Variants in RGS7 observed in about 807,000 individuals in gnomAD.
The protein encoded by RGS7 is regulator of G-protein signaling 7.
Under a neutral mutation model 81.1 loss-of-function variants are expected in RGS7, and 27 were observed. The observed-to-expected ratio is 0.33, with a 90% CI of 0.25 to 0.46. RGS7 has a LOEUF of 0.46. Ranked by LOEUF, RGS7 falls within the 20% of genes least tolerant of loss-of-function variation. RGS7 has a pLI of 1.00. For synonymous variants in RGS7, 208 were observed against 207.7 expected (o/e 1.00, Z -0.01); for missense variants, 396 against 607.4 (o/e 0.65, Z 3.66).
At chr1:240,971,042 C>G (rs7532910) in intron 4 of RGS7, among the ~76,000 whole-genome samples, 1 of 152,092 alleles carries the variant, frequency 6.6e-6, no homozygotes, top group Admixed American at 6.5e-5. Flanking sequence ...ATTTTGGTGG[C>G]TCTGCTGTAG....
At chr1:241,270,764 T>TTC (rs2077839464) in intron 2 of RGS7, among the ~76,000 whole-genome samples, 1 of 149,706 alleles carries the variant, frequency 6.7e-6, no homozygotes, top group Non-Finnish European at 1.5e-5. Flanking sequence ...CCCCCCCCTT[T>TTC]TTTTTTTTCT....
intron 4 of RGS7, among the ~76,000 whole-genome samples, chr1:240,966,455 T>C (rs1572033748): frequency 6.6e-6 from 1 of 152,106 alleles, no homozygotes; most frequent in African/African-American, 2.4e-5. Flanking sequence ...GTTTTCTCTT[T>C]ATGATTTGTA....
At chr1:240,884,072 C>T (rs1267281642) in intron 6 of RGS7, among the ~76,000 whole-genome samples, 3 of 102,424 alleles carry the variant, frequency 2.9e-5, no homozygotes, top group Non-Finnish European at 3.9e-5. Flanking sequence ...GCAAAAACTC[C>T]ATCTCAAAAA....
chr1:241,158,215 G>A (rs1256158185), intron 2 of RGS7, among the ~76,000 whole-genome samples: 1 of 152,138 alleles, frequency 6.6e-6, no homozygotes, highest in Admixed American at 6.6e-5. Flanking sequence ...GGGAAGTTGT[G>A]ACAGATACCT....
chr1:241,294,750 A>C (rs1042731356), intron 2 of RGS7, among the ~76,000 whole-genome samples: 35 of 152,202 alleles, frequency 2.3e-4, no homozygotes, highest in Non-Finnish European at 1.0e-4. Context: ...GTTTGGATAC[A>C]CAAATACTTA....
intron 15 of RGS7, 48 bp downstream of exon 15, chr1:240,806,092 C>A: frequency 6.5e-7 from 1 of 1,535,232 alleles, no homozygotes; most frequent in South Asian, 1.1e-5. Context: ...ATCTAACGCT[C>A]AACTTCTCGG....
In RGS7 at chr1:241,196,084, AAAAAAAG is replaced by A. The variant is rs563970757; in HGVS notation, c.79-97329_79-97323del. The stretch of plus-strand genomic sequence containing the variant: ...AAAACCAAAGTCAAAGAGAAATCTT[AAAAAAAG>A]AAAGAGATAGAGAAAAAAGTGTATT... On this transcript the variant is annotated intron_variant, in intron 2 of 18. Coordinates refer to ENST00000440928, the MANE Select transcript of RGS7 (RefSeq NM_001364886.1). Among the ~76,000 whole-genome samples the A allele has an allele frequency of 2.0e-3, 303 of 152,274 alleles. 2 individuals are homozygous for A. Among genetic ancestry groups the A allele is most frequent in the African/African-American group, 6.8e-3 (283 of 41,572 alleles).
chr1:241,327,028 A>AGGGAGGGAGGG (rs1257519305), intron 2 of RGS7, among the ~76,000 whole-genome samples: 5 of 2,648 alleles, frequency 1.9e-3, no homozygotes, highest in African/African-American at 9.5e-3. Context: ...GGAAGGAAGG[A>AGGGAGGGAGGG]AGGAAGGAAG....
intron 2 of RGS7, among the ~76,000 whole-genome samples, chr1:241,278,351 C>A (rs1192532706): frequency 6.6e-6 from 1 of 152,116 alleles, no homozygotes; most frequent in South Asian, 2.1e-4. Context: ...TTTAGATGCA[C>A]GTTTTCTATC....
rs187692590 is a variant in RGS7 at position 240,835,817 on chromosome 1, G to A, written c.610-8645C>T. Among the ~76,000 whole-genome samples, 615 of 152,290 alleles carry A rather than the reference G, an allele frequency of 4.0e-3. 14 individuals carry two copies. Among genetic ancestry groups the A allele is most frequent in the Admixed American group, 0.024 (367 of 15,294 alleles). On this transcript the variant is annotated intron_variant, in intron 9 of 18. Transcript: ENST00000440928. ...GAACCTTACGTGCGTATTACTAAGT[G>A]AAAGAAGCCAATCTGAAAAAGCCAC...
intron 2 of RGS7, among the ~76,000 whole-genome samples, chr1:241,191,800 C>T (rs527464266): frequency 2.0e-5 from 3 of 152,258 alleles, no homozygotes; most frequent in African/African-American, 7.2e-5. Context: ...TTCAAATTCT[C>T]GATTTCATGT....
At chr1:241,310,435 CTGTGTGTGTGAGTGTG>C (rs2080451218) in intron 2 of RGS7, among the ~76,000 whole-genome samples, 1 of 115,344 alleles carries the variant, frequency 8.7e-6, no homozygotes, top group Non-Finnish European at 2.0e-5. Context: ...GTATGTGTGT[CTGTGTGTGTGAGTGTG>C]TGTGTGTGAG....
At chr1:241,147,781 T>C (rs1249989129) in intron 2 of RGS7, among the ~76,000 whole-genome samples, 2 of 10,422 alleles carry the variant, frequency 1.9e-4, no homozygotes, top group African/African-American at 7.5e-4. Context: ...GATTAAGTTT[T>C]ATATATATAT....
intron 2 of RGS7, among the ~76,000 whole-genome samples, chr1:241,296,770 T>G (rs1008947089): frequency 1.3e-5 from 2 of 152,236 alleles, no homozygotes; most frequent in African/African-American, 4.8e-5. Context: ...TGGCTGCAGG[T>G]GCCTGCAAGC....
chr1:240,903,640 G>T (rs113428359), intron 6 of RGS7, among the ~76,000 whole-genome samples: 205 of 152,200 alleles, frequency 1.3e-3, no homozygotes, highest in Admixed American at 2.6e-3. Context: ...CTATGGTTTG[G>T]ATATCTGACC....
intron 18 of RGS7, among the ~76,000 whole-genome samples, chr1:240,781,202 T>C (rs78408960): frequency 0.037 from 5,593 of 152,320 alleles, 108 homozygotes; most frequent in East Asian, 0.11. Flanking sequence ...AAAAATACTT[T>C]TTCATAGCAG....
chr1:241,334,958 A>G (rs2082164596), intron 2 of RGS7, among the ~76,000 whole-genome samples: 1 of 152,202 alleles, frequency 6.6e-6, no homozygotes, highest in Non-Finnish European at 1.5e-5. Flanking sequence ...CTGCCAGTTT[A>G]ATGTTCTGAA....
At chr1:240,936,538 T>C in intron 5 of RGS7, 62 bp downstream of exon 5, 1 of 1,270,304 alleles carries the variant, frequency 7.9e-7, no homozygotes, top group South Asian at 1.2e-5. Flanking sequence ...AAAAGAAACC[T>C]AACTAACAAA....
intron 3 of RGS7, among the ~76,000 whole-genome samples, chr1:240,991,612 C>T (rs528488747): frequency 9.2e-5 from 14 of 152,216 alleles, no homozygotes; most frequent in East Asian, 3.9e-4. Flanking sequence ...AGACTAAGTC[C>T]GCAGTGTTTC....
Sources: gnomAD v4.1 joint callset for allele counts (sites outside exome capture counted in the v4.1 genomes callset) on GRCh38, gnomAD v4.1.1 for gene constraint, MANE v1.5 for transcripts, NCBI Gene and HGNC (gene_info 2026-07-23, HGNC 2026-07-21) for gene names.